Variants in CLIC5 observed in about 807,000 individuals in gnomAD.
CLIC5 encodes chloride intracellular channel protein 5.
Under a neutral mutation model 24.7 loss-of-function variants are expected in CLIC5, and 20 were observed. That is an observed-to-expected ratio of 0.81 (90% confidence interval 0.57 to 1.18). The LOEUF (loss-of-function observed/expected upper bound fraction) is 1.18. Among genes scored for constraint, CLIC5 ranks in the 50% most tolerant of loss-of-function variants. CLIC5 has a pLI of 0.00. For missense variants in CLIC5, 341 were observed against 326.1 expected (o/e 1.05, Z -0.35); for synonymous variants, 159 against 135.6 (o/e 1.17, Z -1.20).
intron 2 of CLIC5, among the ~76,000 whole-genome samples, chr6:45,952,379 T>C (rs904550435): frequency 6.6e-6 from 1 of 152,242 alleles, no homozygotes; most frequent in Non-Finnish European, 1.5e-5. Context: ...GCCAGCTCCA[T>C]GAACCCAGTG....
chr6:45,918,843 C>T (rs1763136789), intron 4 of CLIC5: 2 of 583,056 alleles, frequency 3.4e-6, no homozygotes, highest in South Asian at 1.5e-4. Context: ...GATGTTTATG[C>T]AACTACCATT....
At chr6:45,891,718 A>T (rs1762349996) in intron 6 of CLIC5, among the ~76,000 whole-genome samples, 1 of 152,078 alleles carries the variant, frequency 6.6e-6, no homozygotes, top group Non-Finnish European at 1.5e-5. Flanking sequence ...GGGAGCAAAT[A>T]AATTGTTAAC....
chr6:45,919,855 G>A (rs9472616), intron 4 of CLIC5, among the ~76,000 whole-genome samples: 5,852 of 152,124 alleles, frequency 0.038, 366 homozygotes, highest in African/African-American at 0.13. Flanking sequence ...AATGCCTAGG[G>A]CAGATTAGAA....
intron 1 of CLIC5, among the ~76,000 whole-genome samples, chr6:45,981,418 A>C (rs1383771289): frequency 6.6e-6 from 1 of 152,220 alleles, no homozygotes; most frequent in Non-Finnish European, 1.5e-5. Context: ...TTCCAAGAAA[A>C]TTAAACAACT....
intron 3 of CLIC5, among the ~76,000 whole-genome samples, chr6:45,942,822 T>C (rs1764177813): frequency 6.6e-6 from 1 of 152,046 alleles, no homozygotes; most frequent in Non-Finnish European, 1.5e-5. Flanking sequence ...ATTGGAAGAG[T>C]CCAGCTCTCT....
intron 1 of CLIC5, among the ~76,000 whole-genome samples, chr6:45,970,359 G>T (rs1296197587): frequency 3.3e-5 from 5 of 151,940 alleles, no homozygotes; most frequent in Non-Finnish European, 1.5e-5. Context: ...CGTTTTCTCA[G>T]CCTTGAAAAA....
rs1412449283 is a variant in CLIC5, at chr6:45,900,914, A to G, written c.*2174T>C. On this transcript the variant is annotated 3_prime_UTR_variant, in exon 6 of 6. Coordinates refer to ENST00000339561, the MANE Select transcript of CLIC5 (RefSeq NM_016929.5). ...AATCCGAGTCCTTGGAATTCTGCAG[A>G]CTTCTCTGGGGTGGAGTGGCCTCAC... The G allele has an allele frequency of 2.0e-5, 3 of 151,966 alleles. No homozygotes were observed. The highest frequency in any genetic ancestry group is 7.3e-5 in the African/African-American group (3 of 41,378). The allele number at this position is 151,966 out of a possible 1,614,324, so 9.4% of individuals were successfully genotyped here.
At position 45,989,208 on chromosome 6, in the gene CLIC5, C is replaced by A. The variant is rs568944541; in HGVS notation, c.63+26272G>T. 9.8e-5 allele frequency among the ~76,000 whole-genome samples: 15 copies of A among 152,302 alleles called. No homozygotes were observed. The South Asian group carries it at 2.9e-3, about 30-fold the overall frequency. ...AGTACTCTCCCCACCCCCACCGATG[C>A]TTTCCAGGTGGTGTTTTAGGAGAAC... On this transcript the variant is annotated intron_variant, in intron 1 of 5. Coordinates refer to ENST00000339561, the MANE Select transcript of CLIC5 (RefSeq NM_016929.5).
At chr6:46,032,626 C>T (rs545058222) in intron 1 of CLIC5, among the ~76,000 whole-genome samples, 12 of 152,324 alleles carry the variant, frequency 7.9e-5, no homozygotes, top group Admixed American at 2.6e-4. Context: ...AAGTCAACCA[C>T]GTTTATCTTT....
chr6:46,014,648 A>T, intron 1 of CLIC5: 1 of 152,202 alleles, frequency 6.6e-6, no homozygotes, highest in East Asian at 1.9e-4. Context: ...GGGCTGATCA[A>T]ATGTTTCTTT....
chr6:45,888,024 T>A (rs932395362), intron 6 of CLIC5, among the ~76,000 whole-genome samples: 12 of 152,220 alleles, frequency 7.9e-5, no homozygotes, highest in African/African-American at 2.9e-4. Context: ...AGCTTCAGAA[T>A]ATAGTGTATG....
chr6:45,978,208 A>T (rs1375314428), intron 1 of CLIC5, among the ~76,000 whole-genome samples: 1 of 152,182 alleles, frequency 6.6e-6, no homozygotes, highest in Non-Finnish European at 1.5e-5. Flanking sequence ...AATAAACAGC[A>T]TTACATTATG....
intron 1 of CLIC5, among the ~76,000 whole-genome samples, chr6:46,000,801 G>T (rs1766327963): frequency 6.6e-6 from 1 of 152,116 alleles, no homozygotes; most frequent in Non-Finnish European, 1.5e-5. Context: ...CTCCCATCGG[G>T]TCTCTCCCTT....
At chr6:45,893,231 T>G (rs1762367948) in intron 6 of CLIC5, among the ~76,000 whole-genome samples, 1 of 140,316 alleles carries the variant, frequency 7.1e-6, no homozygotes, top group Admixed American at 7.1e-5. Context: ...GCCACCCTGG[T>G]TTTTTTTTTT....
chr6:46,072,382 T>A (rs1389581730), intron 1 of CLIC5, among the ~76,000 whole-genome samples: 1 of 151,782 alleles, frequency 6.6e-6, no homozygotes, highest in African/African-American at 2.4e-5. Context: ...GTGGCCAAGA[T>A]GAAGAGGAGA....
At chr6:45,910,176 C>T (rs1762777292) in intron 5 of CLIC5, among the ~76,000 whole-genome samples, 1 of 152,038 alleles carries the variant, frequency 6.6e-6, no homozygotes, top group South Asian at 2.1e-4. Context: ...ATAGCAATCA[C>T]AGGTTCTTCA....
chr6:45,998,830 G>A (rs961031055), intron 1 of CLIC5, among the ~76,000 whole-genome samples: 1 of 152,166 alleles, frequency 6.6e-6, no homozygotes, highest in Admixed American at 6.5e-5. Context: ...CTAGGTCAGC[G>A]ATCAGCTCAC....
chr6:46,023,982 T>C (rs1409473665), intron 1 of CLIC5, among the ~76,000 whole-genome samples: 1 of 152,044 alleles, frequency 6.6e-6, no homozygotes. Flanking sequence ...ATCTTGCTAA[T>C]TGACCAGTAA....
intron 4 of CLIC5, among the ~76,000 whole-genome samples, chr6:45,922,842 A>AGAGAGAGAGAGG: frequency 6.6e-6 from 1 of 151,760 alleles, no homozygotes; most frequent in African/African-American, 2.4e-5. Context: ...AGATAGAGAG[A>AGAGAGAGAGAGG]GAGAGAGAGA....
Sources: gnomAD v4.1 joint callset for allele counts (sites outside exome capture counted in the v4.1 genomes callset) on GRCh38, gnomAD v4.1.1 for gene constraint, MANE v1.5 for transcripts, NCBI Gene and HGNC (gene_info 2026-07-23, HGNC 2026-07-21) for gene names.